The following RYR3 variants were observed in gnomAD, a reference collection of about 807,000 sequenced individuals.
RYR3 encodes brain ryanodine receptor-calcium release channel.
In RYR3, 207 loss-of-function variants were observed where a neutral mutation model predicts 584.3. The ratio of observed to expected loss-of-function variants is 0.35; its 90% CI spans 0.32 to 0.40. The LOEUF (loss-of-function observed/expected upper bound fraction) is 0.40, where lower values mean the gene tolerates loss of function less well. RYR3 is among the 10% of genes least tolerant of loss of function. The pLI is 1.00. For missense variants in RYR3, 5,616 were observed against 6,089.2 expected (o/e 0.92, Z 2.59); for synonymous variants, 2,416 against 2,248.5 (o/e 1.07, Z -2.11).
chr15:33,772,816 T>G (rs1315015928), intron 63 of RYR3, among the ~76,000 whole-genome samples: 2 of 152,202 alleles, frequency 1.3e-5, no homozygotes, highest in Non-Finnish European at 2.9e-5. Context: ...GTGTGGGGGC[T>G]GGAAGAACAT....
chr15:33,864,246 C>T (rs946709572), intron 103 of RYR3, 57 bp downstream of exon 103: 2 of 1,327,532 alleles, frequency 1.5e-6, no homozygotes, highest in East Asian at 2.4e-5. Flanking sequence ...AATCTTGAGA[C>T]TTAGTAGGGC....
intron 1 of RYR3, among the ~76,000 whole-genome samples, chr15:33,347,186 A>G (rs1433608618): frequency 6.6e-6 from 1 of 152,182 alleles, no homozygotes; most frequent in Non-Finnish European, 1.5e-5. Flanking sequence ...TGTCCCCTTC[A>G]GAGGGAAGTC....
rs748634579 is a variant in RYR3 at position 33,726,445 on chromosome 15, C to G, written c.6972C>G (p.Val2324=). ...TCAGGTCCATCCTGCGCTCCCTGGTCCCCACAGAAGACCTGGTTGGGATCA... is the reference window on the plus strand; with the variant it reads ...TCAGGTCCATCCTGCGCTCCCTGGTGCCCACAGAAGACCTGGTTGGGATCA... The part of the protein sequence containing the change: ...IRIRSILRSL[V]PTEDLVGIIS... The change falls in exon 46 of 104, where the codon GTC becomes GTG. Residue 2324 remains valine (V), a synonymous_variant. Coordinates refer to ENST00000634891, the MANE Select transcript of RYR3 (RefSeq NM_001036.6). 2 of 1,610,606 alleles carry G rather than the reference C, an allele frequency of 1.2e-6. No homozygotes were observed. The highest frequency in any genetic ancestry group is 1.7e-6 in the Non-Finnish European group (2 of 1,178,448).
intron 60 of RYR3, among the ~76,000 whole-genome samples, chr15:33,762,089 G>T (rs2072502296): frequency 6.6e-6 from 1 of 152,064 alleles, no homozygotes; most frequent in African/African-American, 2.4e-5. Flanking sequence ...CAATAAACTA[G>T]GTGTTGATGG....
intron 1 of RYR3, among the ~76,000 whole-genome samples, chr15:33,440,847 T>G (rs2046163757): frequency 7.0e-6 from 1 of 143,700 alleles, no homozygotes; most frequent in South Asian, 2.2e-4. Context: ...TGAAAACATG[T>G]TAATACATGC....
At chr15:33,796,180 G>A (rs1023182033) in intron 67 of RYR3, among the ~76,000 whole-genome samples, 1 of 152,076 alleles carries the variant, frequency 6.6e-6, no homozygotes, top group African/African-American at 2.4e-5. Flanking sequence ...TGTCGCCCAG[G>A]CTGGAGTGCA....
At chr15:33,361,310 A>C (rs12324083) in intron 1 of RYR3, among the ~76,000 whole-genome samples, 11,235 of 152,278 alleles carry the variant, frequency 0.074, 716 homozygotes, top group African/African-American at 0.18. Flanking sequence ...AGAATCCCTC[A>C]GCAGATTACA....
At chr15:33,526,503 T>C (rs1435559227) in intron 3 of RYR3, among the ~76,000 whole-genome samples, 1 of 152,196 alleles carries the variant, frequency 6.6e-6, no homozygotes, top group Non-Finnish European at 1.5e-5. Context: ...CTATGTAGCA[T>C]ATCACACCTT....
At chr15:33,675,326 A>G (rs1487357260) in intron 38 of RYR3, among the ~76,000 whole-genome samples, 3 of 152,260 alleles carry the variant, frequency 2.0e-5, no homozygotes, top group South Asian at 2.1e-4. Context: ...ATTGAAACTG[A>G]AGTAAAGACA....
At chr15:33,605,680 G>A (rs1238941065) in intron 18 of RYR3, among the ~76,000 whole-genome samples, 1 of 152,166 alleles carries the variant, frequency 6.6e-6, no homozygotes, top group Non-Finnish European at 1.5e-5. Context: ...TCTCCAACGA[G>A]CACACAGGGA....
chr15:33,477,501 T>C (rs926413837), intron 2 of RYR3, among the ~76,000 whole-genome samples: 2 of 150,342 alleles, frequency 1.3e-5, no homozygotes, highest in African/African-American at 4.9e-5. Context: ...CTGCCATTAA[T>C]TGATGGAAGC....
In RYR3 at chr15:33,825,641, C is replaced by T. The variant is rs1460768033; in HGVS notation, c.11111C>T (p.Ala3704Val). 6.2e-7 allele frequency: 1 copy of T among 1,611,188 alleles called. No individual in the cohort carries two copies. Among genetic ancestry groups the T allele is most frequent in the Non-Finnish European group, 8.5e-7 (1 of 1,178,406 alleles). Residue 3704 changes from alanine (A) to valine (V), a missense_variant, in exon 82 of 104, where the codon GCT (alanine) becomes GTT (valine). By Grantham distance (64) the Ala-to-Val change is moderately conservative (BLOSUM62 0). Transcript: ENST00000634891. The part of the protein sequence containing the change: ...DLNAFERQNK[A>V]EGLGMVTEEG... ...AATGCATTTGAGAGGCAGAATAAAGCTGAAGGCCTGGGGATGGTGACTGAA... is the reference window on the plus strand; with the variant it reads ...AATGCATTTGAGAGGCAGAATAAAGTTGAAGGCCTGGGGATGGTGACTGAA...
rs544434268 is a variant in RYR3 at position 33,662,813 on chromosome 15, G to A, written c.5283G>A (p.Gly1761=). Residue 1761 remains glycine (G), a synonymous_variant, in exon 35 of 104, where the codon GGG becomes GGA. Transcript: ENST00000634891. Reference sequence around the variant, plus strand: ...CTGTGTTTGGGGAGCATAGTGCGGGGACAGAGGAGGGAGCAGAAAAGGAGG... The same window carrying A: ...CTGTGTTTGGGGAGCATAGTGCGGGAACAGAGGAGGGAGCAGAAAAGGAGG... ...DPSVFGEHSA[G]TEEGAEKEEV... The A allele has an allele frequency of 2.5e-6, 4 of 1,613,960 alleles. No homozygotes were observed. The East Asian group carries it at 6.7e-5, about 27-fold the overall frequency.
chr15:33,700,906 A>G, intron 41 of RYR3, 71 bp from the exon 42 acceptor site: 2 of 1,056,678 alleles, frequency 1.9e-6, no homozygotes, highest in Non-Finnish European at 2.8e-6. Context: ...GCTTACGTGC[A>G]CTGCAGTCTC....
intron 1 of RYR3, among the ~76,000 whole-genome samples, chr15:33,429,846 C>G (rs1007568022): frequency 6.6e-6 from 1 of 152,216 alleles, no homozygotes; most frequent in South Asian, 2.1e-4. Context: ...TATTGTATGA[C>G]ATAAACAAGA....
intron 3 of RYR3, among the ~76,000 whole-genome samples, chr15:33,513,011 G>T (rs968907989): frequency 6.6e-6 from 1 of 152,134 alleles, no homozygotes. Context: ...TTTCAGCTGC[G>T]TTTCTGGCAA....
At chr15:33,599,697 G>C (rs2059568706) in intron 16 of RYR3, among the ~76,000 whole-genome samples, 1 of 152,120 alleles carries the variant, frequency 6.6e-6, no homozygotes, top group African/African-American at 2.4e-5. Context: ...AGTGATTTTG[G>C]GGGCCCAAGG....
chr15:33,768,578 A>C (rs1379309589), intron 60 of RYR3, 80 bp from the exon 61 acceptor site: 4 of 1,201,694 alleles, frequency 3.3e-6, no homozygotes, highest in Non-Finnish European at 5.0e-6. Flanking sequence ...TCACAGTGTA[A>C]GGGACATTGG....
chr15:33,654,677 A>T (rs942777276), intron 32 of RYR3, among the ~76,000 whole-genome samples: 8 of 152,150 alleles, frequency 5.3e-5, no homozygotes, highest in African/African-American at 1.9e-4. Flanking sequence ...TTGGAAAGCT[A>T]GGGAGATATA....
Sources: gnomAD v4.1 joint callset for allele counts (sites outside exome capture counted in the v4.1 genomes callset) on GRCh38, gnomAD v4.1.1 for gene constraint, MANE v1.5 for transcripts, NCBI Gene and HGNC (gene_info 2026-07-23, HGNC 2026-07-21) for gene names.